Variants in PCDHGA10 observed in about 807,000 individuals in gnomAD.
PCDHGA10 encodes the protein protocadherin gamma-A10.
PCDHGA10 carries 42 observed loss-of-function variants against 59.5 expected under a neutral mutation model. That is an observed-to-expected ratio of 0.71 (90% CI 0.55 to 0.91). The LOEUF (loss-of-function observed/expected upper bound fraction) is 0.91, where lower values mean the gene tolerates loss of function less well. PCDHGA10 is among the 40% of genes least tolerant of loss of function. PCDHGA10 has a pLI of 0.00. For synonymous variants in PCDHGA10, 511 were observed against 517.2 expected, an observed-to-expected ratio of 0.99 and a Z score of 0.16; for missense variants, 1,111 against 1,198.2, an observed-to-expected ratio of 0.93 and a Z score of 1.07.
At chr5:141,478,269 A>G in intron 1 of PCDHGA10, 1 of 1,614,146 alleles carries the variant, frequency 6.2e-7, no homozygotes, top group Non-Finnish European at 8.5e-7. Flanking sequence ...TTCAAAGTTT[A>G]CAAGTGGAAG....
At chr5:141,426,037 G>A (rs2096911238) in intron 1 of PCDHGA10, among the ~76,000 whole-genome samples, 1 of 152,176 alleles carries the variant, frequency 6.6e-6, no homozygotes, top group South Asian at 2.1e-4. Flanking sequence ...TCAGAGCCCT[G>A]CTGTTGGCCA....
chr5:141,453,796 T>C (rs1592274016), intron 1 of PCDHGA10, among the ~76,000 whole-genome samples: 1 of 152,242 alleles, frequency 6.6e-6, no homozygotes, highest in East Asian at 1.9e-4. Context: ...ATATTAACTT[T>C]GAGTAGTTCC....
intron 1 of PCDHGA10, among the ~76,000 whole-genome samples, chr5:141,447,749 T>G (rs1462661604): frequency 6.6e-6 from 1 of 152,196 alleles, no homozygotes; most frequent in Non-Finnish European, 1.5e-5. Context: ...GAGTCTTGCA[T>G]GTGACTGTAT....
chr5:141,470,872 T>G, intron 1 of PCDHGA10, among the ~76,000 whole-genome samples: 1 of 151,814 alleles, frequency 6.6e-6, no homozygotes, highest in East Asian at 1.9e-4. Context: ...GTTTGTTTGT[T>G]TTTTTGTTTT....
Position 141,490,457 on chromosome 5 carries a change from T to C in PCDHGA10, c.2437-4350T>C. 1 of 1,614,214 alleles carries C rather than the reference T, an allele frequency of 6.2e-7. No homozygotes were observed. Among genetic ancestry groups the C allele is most frequent in the Non-Finnish European group, 8.5e-7 (1 of 1,180,042 alleles). ...AAGCCTTCTGAGAACCACTACTCGC[T>C]GCTAACCAGCCAGCCTTTGGACCGG... On this transcript the variant is annotated intron_variant, in intron 1 of 3. Coordinates refer to ENST00000398610, the MANE Select transcript of PCDHGA10 (RefSeq NM_018913.3). The surrounding 1 kb of genome is among the most constrained non-coding windows in gnomAD (Gnocchi z 5.4).
chr5:141,480,413 T>C (rs1478520852), intron 1 of PCDHGA10, among the ~76,000 whole-genome samples: 2 of 135,292 alleles, frequency 1.5e-5, no homozygotes, highest in African/African-American at 3.0e-5. Context: ...AGACCCTGTC[T>C]CAAAAAAAAA....
rs572457971 is a variant in PCDHGA10, at chr5:141,426,319, C to T, written c.2436+10708C>T. The T allele has an allele frequency of 1.5e-3, 257 of 175,598 alleles. 1 individual carries two copies. Among genetic ancestry groups the T allele is most frequent in the Non-Finnish European group, 1.2e-3 (99 of 79,820 alleles). 10.9% of individuals were successfully genotyped at this position (175,598 alleles called of 1,614,324 possible). ...CAGGGTGAAGCAGAGAAGCAGGACC[C>T]GGCAGTGGCAAGCACTCTTCCCTTT... is the stretch of plus-strand genomic sequence containing the variant. On this transcript the variant is annotated intron_variant, in intron 1 of 3. Coordinates refer to ENST00000398610, the MANE Select transcript of PCDHGA10 (RefSeq NM_018913.3).
chr5:141,488,040 G>A (rs1212272063), intron 1 of PCDHGA10, among the ~76,000 whole-genome samples: 1 of 152,112 alleles, frequency 6.6e-6, no homozygotes, highest in Non-Finnish European at 1.5e-5. Flanking sequence ...CATTTCCCAA[G>A]GGATTGAGGG....
intron 1 of PCDHGA10, among the ~76,000 whole-genome samples, chr5:141,451,611 G>C (rs1004906441): frequency 6.6e-6 from 1 of 152,166 alleles, no homozygotes; most frequent in Admixed American, 6.5e-5. Context: ...GCTAGGCATG[G>C]TGGCTCAAAC....
chr5:141,467,811 A>T (rs562932160), intron 1 of PCDHGA10, among the ~76,000 whole-genome samples: 1 of 152,164 alleles, frequency 6.6e-6, no homozygotes, highest in African/African-American at 2.4e-5. Flanking sequence ...GGCACATGCC[A>T]CCACACCAGG....
At chr5:141,422,604 T>C in intron 1 of PCDHGA10, 1 of 1,614,030 alleles carries the variant, frequency 6.2e-7, no homozygotes, top group Non-Finnish European at 8.5e-7. Flanking sequence ...CCTCTTACTC[T>C]GCCTACATTC....
intron 1 of PCDHGA10, among the ~76,000 whole-genome samples, chr5:141,442,913 AACT>A (rs1163578304): frequency 6.6e-6 from 1 of 152,214 alleles, no homozygotes. Flanking sequence ...TTCAGCACAC[AACT>A]GTTTCATTTT....
At chr5:141,508,535 C>CA (rs1426956469) in intron 3 of PCDHGA10, among the ~76,000 whole-genome samples, 1 of 152,172 alleles carries the variant, frequency 6.6e-6, no homozygotes, top group Admixed American at 6.5e-5. Flanking sequence ...GGGCACCCCC[C>CA]ACGAGGTGGG....
intron 1 of PCDHGA10, chr5:141,422,606 C>A: frequency 6.2e-7 from 1 of 1,613,904 alleles, no homozygotes; most frequent in Non-Finnish European, 8.5e-7. Context: ...TCTTACTCTG[C>A]CTACATTCCC....
intron 1 of PCDHGA10, chr5:141,478,473 A>G (rs2099458384): frequency 6.2e-7 from 1 of 1,613,742 alleles, no homozygotes; most frequent in African/African-American, 1.3e-5. Context: ...GCCAGCCGCC[A>G]GAACACGCTG....
chr5:141,427,616 C>T (rs922511046), intron 1 of PCDHGA10: 1 of 693,880 alleles, frequency 1.4e-6, no homozygotes, highest in Non-Finnish European at 2.6e-6. Context: ...GTGAAGTCAA[C>T]GACAATGCTC....
chr5:141,452,791 C>T (rs1202677389), intron 1 of PCDHGA10, among the ~76,000 whole-genome samples: 2 of 152,156 alleles, frequency 1.3e-5, no homozygotes, highest in Non-Finnish European at 2.9e-5. Context: ...AACATACCAT[C>T]ATTTTTGCTG....
At chr5:141,422,141 G>A (rs1441509284) in intron 1 of PCDHGA10, 9 of 1,583,068 alleles carry the variant, frequency 5.7e-6, no homozygotes, top group Middle Eastern at 1.7e-4. Context: ...GTTCAAGTAC[G>A]GGGGTCTCTG....
At position 141,489,632 on chromosome 5, in the gene PCDHGA10, C is replaced by T; in HGVS notation, c.2437-5175C>T. 6.2e-7 allele frequency: 1 copy of T among 1,614,138 alleles called. No homozygotes were observed. Among genetic ancestry groups the T allele is most frequent in the Non-Finnish European group, 8.5e-7 (1 of 1,180,010 alleles). Reference sequence around the variant, plus strand: ...ATCCTGGATCTCAATGACAACTCTCCTAGCTTTGCCACCCCTGAGCGAGAG... The same window carrying T: ...ATCCTGGATCTCAATGACAACTCTCTTAGCTTTGCCACCCCTGAGCGAGAG... On this transcript the variant is annotated intron_variant, in intron 1 of 3. Transcript: ENST00000398610. The surrounding 1 kb of genome is among the most constrained non-coding windows in gnomAD (Gnocchi z 4.5).
Sources: allele counts gnomAD v4.1 joint callset (sites outside exome capture counted in the v4.1 genomes callset), GRCh38; gene constraint gnomAD v4.1.1; non-coding constraint Gnocchi (gnomAD v3.1); transcripts MANE v1.5; gene names NCBI Gene and HGNC (gene_info 2026-07-23, HGNC 2026-07-21).